The following PLSCR2 variants were observed in gnomAD, a reference collection of about 807,000 sequenced individuals.
PLSCR2 encodes PL scramblase 2.
PLSCR2 carries 18 observed loss-of-function variants against 25.3 expected under a neutral mutation model. The ratio of observed to expected loss-of-function variants is 0.71; its 90% CI spans 0.49 to 1.06. PLSCR2 has a LOEUF of 1.06. Among genes scored for constraint, PLSCR2 ranks in the 50% least tolerant of loss-of-function variants. PLSCR2 has a pLI of 0.00. For synonymous variants in PLSCR2, 88 were observed against 87.3 expected (o/e 1.01, Z -0.04); for missense variants, 243 against 269.5 (o/e 0.90, Z 0.69).
At chr3:146,462,494 T>C (rs540442641), upstream of PLSCR2, among the ~76,000 whole-genome samples, 4 of 150,138 alleles carry the variant, frequency 2.7e-5, no homozygotes, top group South Asian at 8.4e-4. Flanking sequence ...AGATGGAGTC[T>C]CCCTCTGTCA....
upstream of PLSCR2, among the ~76,000 whole-genome samples, chr3:146,463,437 G>T (rs1053838060): frequency 6.6e-6 from 1 of 152,160 alleles, no homozygotes; most frequent in African/African-American, 2.4e-5. Context: ...TTACAGGCGT[G>T]AGCCACCGCG....
At chr3:146,475,572 T>C (rs1050035729) in intron 1 of PLSCR2, among the ~76,000 whole-genome samples, 2 of 152,218 alleles carry the variant, frequency 1.3e-5, no homozygotes. Context: ...TTTCCTATTG[T>C]GCATTTGGTT....
At chr3:146,473,334 T>G (rs2042180470) in intron 1 of PLSCR2, among the ~76,000 whole-genome samples, 1 of 148,320 alleles carries the variant, frequency 6.7e-6, no homozygotes, top group African/African-American at 2.5e-5. Context: ...AGACAGAGTC[T>G]TGCTCTGTCG....
intron 1 of PLSCR2, among the ~76,000 whole-genome samples, chr3:146,481,813 T>C (rs1041905960): frequency 1.3e-5 from 2 of 152,204 alleles, no homozygotes; most frequent in Non-Finnish European, 2.9e-5. Context: ...GGCATCACAC[T>C]ACCTGACTTC....
intron 6 of PLSCR2, among the ~76,000 whole-genome samples, chr3:146,442,666 A>T (rs1433611253): frequency 6.6e-6 from 1 of 152,040 alleles, no homozygotes; most frequent in Non-Finnish European, 1.5e-5. Context: ...AACATTTGTA[A>T]TCAATTGATT....
intron 1 of PLSCR2, among the ~76,000 whole-genome samples, chr3:146,492,685 C>T (rs1174218023): frequency 1.3e-5 from 2 of 151,878 alleles, no homozygotes; most frequent in Admixed American, 6.6e-5. Flanking sequence ...ACAGGTACAT[C>T]AAGAAGTTAG....
chr3:146,460,879 G>A (rs1247040328), upstream of PLSCR2, among the ~76,000 whole-genome samples: 1 of 152,102 alleles, frequency 6.6e-6, no homozygotes, highest in African/African-American at 2.4e-5. Context: ...TGTTTCCCTT[G>A]ATATTGTTCT....
chr3:146,408,666 C>A (rs1392676280), intron 2 of PLSCR2, among the ~76,000 whole-genome samples: 3 of 152,030 alleles, frequency 2.0e-5, no homozygotes, highest in Non-Finnish European at 4.4e-5. Flanking sequence ...ATTAAGAGCA[C>A]GGCTATTTTC....
chr3:146,473,141 T>C (rs1376131913), intron 1 of PLSCR2, among the ~76,000 whole-genome samples: 2 of 152,168 alleles, frequency 1.3e-5, no homozygotes, highest in East Asian at 3.9e-4. Context: ...GCAAAATGAT[T>C]TGCCACATCT....
rs950757113 is a variant in PLSCR2 at position 146,398,574 on chromosome 3, T to G, written c.101-2653A>C. 4 of 151,224 alleles carry G rather than the reference T, an allele frequency of 2.6e-5. No homozygotes were observed. In the South Asian group the frequency reaches 8.3e-4, roughly 31 times the overall value. 9.4% of individuals were successfully genotyped at this position (151,224 alleles called of 1,614,324 possible). On this transcript the variant is annotated intron_variant and NMD_transcript_variant, in intron 2 of 3. Coordinates refer to the PLSCR2 transcript ENST00000463633. ...TCATAATAATATTCTTTTATTTATC[T>G]TTAATCATATTCATTAATTATATAT...
chr3:146,449,197 T>C lies in PLSCR2; in HGVS notation c.645+9A>G, dbSNP rs762908519. The C allele has an allele frequency of 1.6e-5, 25 of 1,603,990 alleles. No individual in the cohort carries two copies. In the East Asian group the frequency reaches 4.9e-4, roughly 32 times the overall value. ...CATCTGTCACCAAGATTAGCAGGAA[T>C]AGACTTACAATGAGGAAACAGGCAC... On this transcript the variant is annotated intron_variant, in intron 6 of 6. Coordinates refer to ENST00000610787, the Ensembl canonical transcript of PLSCR2.
At chr3:146,412,313 A>G (rs1403331157) in intron 2 of PLSCR2, among the ~76,000 whole-genome samples, 1 of 152,014 alleles carries the variant, frequency 6.6e-6, no homozygotes, top group East Asian at 1.9e-4. Flanking sequence ...GGCTTTCTGT[A>G]TTGACTTTGC....
chr3:146,477,094 C>A (rs1013214460), intron 1 of PLSCR2, among the ~76,000 whole-genome samples: 3 of 152,300 alleles, frequency 2.0e-5, no homozygotes, highest in Admixed American at 2.0e-4. Flanking sequence ...ACACCTTATA[C>A]CAGAGTGTTG....
chr3:146,440,747 A>G (rs556970501), downstream of PLSCR2, among the ~76,000 whole-genome samples: 11 of 152,198 alleles, frequency 7.2e-5, no homozygotes, highest in Admixed American at 7.2e-4. Flanking sequence ...TAGGATCATA[A>G]TGCCACCTGA....
At chr3:146,406,476 G>C (rs2038662311) in intron 2 of PLSCR2, among the ~76,000 whole-genome samples, 1 of 152,186 alleles carries the variant, frequency 6.6e-6, no homozygotes, top group Non-Finnish European at 1.5e-5. Flanking sequence ...GACTTCCTTG[G>C]AGGTACTGGC....
At chr3:146,421,687 T>C (rs2039159586) in intron 2 of PLSCR2, among the ~76,000 whole-genome samples, 2 of 152,056 alleles carry the variant, frequency 1.3e-5, no homozygotes, top group African/African-American at 4.8e-5. Flanking sequence ...ATTCAGAATT[T>C]TGAAGGTAAT....
intron 1 of PLSCR2, among the ~76,000 whole-genome samples, chr3:146,483,243 A>G (rs1004275491): frequency 3.2e-5 from 4 of 125,274 alleles, no homozygotes; most frequent in African/African-American, 1.2e-4. Flanking sequence ...ATGAACAGAC[A>G]CTTCGTAGGT....
At chr3:146,485,858 A>G (rs1008964675) in intron 1 of PLSCR2, among the ~76,000 whole-genome samples, 3 of 152,092 alleles carry the variant, frequency 2.0e-5, no homozygotes, top group Admixed American at 2.0e-4. Flanking sequence ...CACGTCTTAC[A>G]TGAATGGCAG....
At chr3:146,475,469 A>G (rs2042256009) in intron 1 of PLSCR2, among the ~76,000 whole-genome samples, 1 of 152,062 alleles carries the variant, frequency 6.6e-6, no homozygotes, top group African/African-American at 2.4e-5. Flanking sequence ...CATGCTTCAT[A>G]ACTTGTTGAA....
Sources: gnomAD v4.1 joint callset for allele counts (sites outside exome capture counted in the v4.1 genomes callset) on GRCh38, gnomAD v4.1.1 for gene constraint, MANE v1.5 for transcripts, NCBI Gene and HGNC (gene_info 2026-07-23, HGNC 2026-07-21) for gene names.